SLCO5A1: variants seen among roughly 807,000 people sequenced by gnomAD.
The protein encoded by SLCO5A1 is organic anion transporter polypeptide-related protein 4.
Under a neutral mutation model 65.1 loss-of-function variants are expected in SLCO5A1, and 39 were observed. That is an observed-to-expected ratio of 0.60 (90% CI 0.46 to 0.78). SLCO5A1 has a LOEUF of 0.78. SLCO5A1 is among the 30% of genes least tolerant of loss of function. The probability of loss-of-function intolerance (pLI) is 0.00; values close to 1 mark genes in which losing one functional copy is unlikely to be tolerated. For synonymous variants in SLCO5A1, 438 were observed against 415.7 expected, an observed-to-expected ratio of 1.05 and a Z score of -0.65; for missense variants, 1,029 against 1,069.4, an observed-to-expected ratio of 0.96 and a Z score of 0.53.
At position 69,723,976 on chromosome 8, in the gene SLCO5A1, T is replaced by C. The variant is rs1455509381; in HGVS notation, c.1423+14064A>G. Among the ~76,000 whole-genome samples the C allele has an allele frequency of 2.6e-5, 4 of 152,190 alleles. No individual in the cohort carries two copies. In the East Asian group the frequency reaches 5.8e-4, roughly 22 times the overall value. ...TTAGTAAAAATGGGGTTTCCCCATG[T>C]TGGCCAGGCTGGTCTCGAACTCCTG... On this transcript the variant is annotated intron_variant, in intron 5 of 9. Coordinates refer to ENST00000260126, the MANE Select transcript of SLCO5A1 (RefSeq NM_030958.3).
intron 5 of SLCO5A1, among the ~76,000 whole-genome samples, chr8:69,715,708 G>A (rs921736252): frequency 6.6e-6 from 1 of 152,140 alleles, no homozygotes; most frequent in Non-Finnish European, 1.5e-5. Context: ...TTGCTCTTGA[G>A]AAACCATATT....
intron 2 of SLCO5A1, among the ~76,000 whole-genome samples, chr8:69,793,117 G>C (rs1303997163): frequency 3.3e-5 from 5 of 151,974 alleles, no homozygotes; most frequent in Non-Finnish European, 5.9e-5. Flanking sequence ...AAGTATCTGG[G>C]ACTACAGGTG....
intron 5 of SLCO5A1, among the ~76,000 whole-genome samples, chr8:69,731,559 T>C (rs761340221): frequency 1.3e-5 from 2 of 152,204 alleles, no homozygotes; most frequent in Non-Finnish European, 2.9e-5. Flanking sequence ...AATTAGTTGA[T>C]TGATAAAGAG....
Position 69,832,888 on chromosome 8 carries a change from G to T in SLCO5A1, c.-215C>A. 2 of 603,178 alleles carry T rather than the reference G, an allele frequency of 3.3e-6. No homozygotes were observed. Among genetic ancestry groups the T allele is most frequent in the South Asian group, 4.0e-5 (2 of 49,608 alleles). 37.4% of individuals were successfully genotyped at this position (603,178 alleles called of 1,614,324 possible). A position where few individuals can be genotyped will look rare whatever the true frequency, so the allele number is the denominator to read the frequency against. On this transcript the variant is annotated 5_prime_UTR_variant, in exon 2 of 10. Coordinates refer to ENST00000260126, the MANE Select transcript of SLCO5A1 (RefSeq NM_030958.3). The surrounding 1 kb of genome is among the most constrained non-coding windows in gnomAD (Gnocchi z 4.5). ...CGGCTTCAAGGCTCCGCAGCCGCGT[G>T]CCACAGGGGGCAGGGGTCCGCGCGG...
chr8:69,673,312 G>A lies in SLCO5A1; in HGVS notation c.2104C>T (p.Pro702Ser). Reference protein sequence around the residue: ...LLRTLAYIPTPIYFGAVIDTT... With the variant: ...LLRTLAYIPTSIYFGAVIDTT... ...TCAATGACTGCTCCAAAGTAGATTG[G>A]AGTAGGAATGTATGCTAGAGGGGTG... is the stretch of plus-strand genomic sequence containing the variant. The change falls in exon 10 of 10, where the codon CCA (proline) becomes TCA (serine). Residue 702 changes from proline (P) to serine (S), a missense_variant. Pro to Ser is a moderately conservative substitution (Grantham distance 74). Coordinates refer to ENST00000260126, the MANE Select transcript of SLCO5A1 (RefSeq NM_030958.3). 1.2e-6 allele frequency: 2 copies of A among 1,613,324 alleles called. No individual in the cohort carries two copies. Among genetic ancestry groups the A allele is most frequent in the Non-Finnish European group, 1.7e-6 (2 of 1,179,352 alleles).
At position 69,826,490 on chromosome 8, in the gene SLCO5A1, C is replaced by G. The variant is rs574065612; in HGVS notation, c.907+5277G>C. On this transcript the variant is annotated intron_variant, in intron 2 of 9. Coordinates refer to ENST00000260126, the MANE Select transcript of SLCO5A1 (RefSeq NM_030958.3). The stretch of plus-strand genomic sequence containing the variant: ...GCAAAGGATATGAACAGACACTTCT[C>G]AAAAGAAGACATTTATGCAGCCAAA... 3.9e-5 allele frequency among the ~76,000 whole-genome samples: 6 copies of G among 152,238 alleles called. No individual in the cohort carries two copies. The South Asian group carries it at 1.0e-3, about 26-fold the overall frequency.
intron 6 of SLCO5A1, among the ~76,000 whole-genome samples, chr8:69,691,956 A>G (rs1350364696): frequency 6.6e-6 from 1 of 152,246 alleles, no homozygotes; most frequent in Non-Finnish European, 1.5e-5. Context: ...TACAATAAAA[A>G]TAAAGTATAA....
chr8:69,696,634 C>G (rs1288561948), intron 6 of SLCO5A1, among the ~76,000 whole-genome samples: 2 of 152,158 alleles, frequency 1.3e-5, no homozygotes, highest in Non-Finnish European at 2.9e-5. Flanking sequence ...AATAAAATCC[C>G]CTCATTCTTG....
Position 69,745,022 on chromosome 8 carries a change from C to T in SLCO5A1, c.1259-6818G>A, listed in dbSNP as rs1043675560. Among the ~76,000 whole-genome samples the T allele has an allele frequency of 2.9e-4, 44 of 152,168 alleles. 1 individual carries two copies. The highest frequency in any genetic ancestry group is 9.7e-4 in the African/African-American group (40 of 41,432). ...GAAAATATACAATATTGTCCTTTAT[C>T]CAGCATATCTGGGAAAGAGATATGC... On this transcript the variant is annotated intron_variant, in intron 4 of 9. Transcript: ENST00000260126.
chr8:69,768,509 C>T (rs559865789), intron 2 of SLCO5A1, among the ~76,000 whole-genome samples: 15 of 152,236 alleles, frequency 9.9e-5, no homozygotes, highest in East Asian at 7.7e-4. Context: ...CTTAAGAAAC[C>T]GACATTGATT....
chr8:69,681,767 C>T (rs760706437), intron 7 of SLCO5A1, among the ~76,000 whole-genome samples: 24 of 151,982 alleles, frequency 1.6e-4, no homozygotes, highest in Non-Finnish European at 2.2e-4. Context: ...TGAAAAATGG[C>T]CATCACCCAT....
At chr8:69,720,308 A>G (rs759257945) in intron 5 of SLCO5A1, among the ~76,000 whole-genome samples, 99 of 152,272 alleles carry the variant, frequency 6.5e-4, no homozygotes, top group Non-Finnish European at 1.2e-3. Context: ...TGTACCTCCC[A>G]CTGACAACCA....
chr8:69,679,646 G>A, intron 7 of SLCO5A1, 27 bp from the exon 8 acceptor site: 1 of 1,607,132 alleles, frequency 6.2e-7, no homozygotes, highest in Non-Finnish European at 8.5e-7. Context: ...AAGATGAGTT[G>A]TGTGCCCCTC....
At chr8:69,735,978 A>T (rs1229080677) in intron 5 of SLCO5A1, among the ~76,000 whole-genome samples, 1 of 152,196 alleles carries the variant, frequency 6.6e-6, no homozygotes. Flanking sequence ...ATAAAGGAAG[A>T]AAAAATATGT....
At chr8:69,815,144 A>T (rs187029788) in intron 2 of SLCO5A1, among the ~76,000 whole-genome samples, 2 of 152,298 alleles carry the variant, frequency 1.3e-5, no homozygotes, top group African/African-American at 4.8e-5. Flanking sequence ...GTTAAAAGTA[A>T]ATTTCAAAGG....
In SLCO5A1 at chr8:69,682,167, T is replaced by C. The variant is rs1020427811; in HGVS notation, c.1782+17A>G. Reference sequence around the variant, plus strand: ...GATGTTGGACTAACAGAAGAGGAACTTGTGAAATATACTCACCCCAGTGCT... The same window carrying C: ...GATGTTGGACTAACAGAAGAGGAACCTGTGAAATATACTCACCCCAGTGCT... On this transcript the variant is annotated intron_variant, in intron 7 of 9. Transcript: ENST00000260126. The C allele has an allele frequency of 7.5e-6, 12 of 1,595,278 alleles. No homozygotes were observed. In the African/African-American group the frequency reaches 1.1e-4, roughly 14 times the overall value.
chr8:69,736,298 C>A lies in SLCO5A1; in HGVS notation c.1423+1742G>T, dbSNP rs549758053. Reference sequence around the variant, plus strand: ...TGAACCCTTTATTCTGTAGCCGACACCCCAGCTCCAGCTGAACCCTTTATT... The same window carrying A: ...TGAACCCTTTATTCTGTAGCCGACAACCCAGCTCCAGCTGAACCCTTTATT... On this transcript the variant is annotated intron_variant, in intron 5 of 9. Coordinates refer to ENST00000260126, the MANE Select transcript of SLCO5A1 (RefSeq NM_030958.3). 4.6e-5 allele frequency among the ~76,000 whole-genome samples: 7 copies of A among 152,318 alleles called. No homozygotes were observed. In the East Asian group the frequency reaches 1.4e-3, roughly 29 times the overall value.
intron 2 of SLCO5A1, among the ~76,000 whole-genome samples, chr8:69,793,090 T>C (rs1453326289): frequency 6.6e-6 from 1 of 152,124 alleles, no homozygotes; most frequent in Non-Finnish European, 1.5e-5. Flanking sequence ...CAAGCGATTT[T>C]CCTGCCTCAG....
chr8:69,729,920 C>T (rs1465648856), intron 5 of SLCO5A1, among the ~76,000 whole-genome samples: 1 of 152,136 alleles, frequency 6.6e-6, no homozygotes, highest in African/African-American at 2.4e-5. Flanking sequence ...GTAAAGTAGA[C>T]CAATACAATT....
Sources: allele counts gnomAD v4.1 joint callset (sites outside exome capture counted in the v4.1 genomes callset), GRCh38; gene constraint gnomAD v4.1.1; non-coding constraint Gnocchi (gnomAD v3.1); transcripts MANE v1.5; gene names NCBI Gene and HGNC (gene_info 2026-07-23, HGNC 2026-07-21).